Variants in KCNMB4 observed in about 807,000 individuals in gnomAD.
KCNMB4 encodes the protein potassium calcium-activated channel subfamily M regulatory beta subunit 4.
KCNMB4 carries 3 observed loss-of-function variants against 20.7 expected under a neutral mutation model. The observed-to-expected ratio is 0.14, with a 90% CI of 0.07 to 0.37. The LOEUF is 0.37. Among genes scored for constraint, KCNMB4 ranks in the 10% least tolerant of loss-of-function variants. KCNMB4 has a pLI of 1.00. For synonymous variants in KCNMB4, 110 were observed against 113.4 expected (o/e 0.97, Z 0.19); for missense variants, 168 against 265.9 (o/e 0.63, Z 2.56).
intron 2 of KCNMB4, among the ~76,000 whole-genome samples, chr12:70,403,396 G>A (rs1337241513): frequency 1.1e-4 from 17 of 151,998 alleles, no homozygotes; most frequent in South Asian, 6.2e-4. Context: ...GCAGTGGCAC[G>A]ATCTTGGCTC....
intron 1 of KCNMB4, among the ~76,000 whole-genome samples, chr12:70,390,013 C>G (rs1419548321): frequency 6.6e-6 from 1 of 152,128 alleles, no homozygotes; most frequent in East Asian, 1.9e-4. Flanking sequence ...TAACCAGTGT[C>G]CATAAAATAT....
intron 1 of KCNMB4, among the ~76,000 whole-genome samples, chr12:70,367,475 GC>G (rs1286999076): frequency 1.3e-5 from 2 of 152,170 alleles, no homozygotes; most frequent in African/African-American, 4.8e-5. Flanking sequence ...CCGAGCTTCA[GC>G]TGGTCTCATC....
rs577430832 is a variant in KCNMB4 at position 70,382,203 on chromosome 12, T to C, written c.336+15133T>C. On this transcript the variant is annotated intron_variant, in intron 1 of 2. Transcript: ENST00000258111. The stretch of plus-strand genomic sequence containing the variant: ...GCTCACGCCTGTAATCCCAGCACTT[T>C]GGGAGGCCGAGGCGGGCGGATCACG... Among the ~76,000 whole-genome samples, 7 of 151,906 alleles carry C rather than the reference T, an allele frequency of 4.6e-5. No homozygotes were observed. The South Asian group carries it at 1.5e-3, about 32-fold the overall frequency.
chr12:70,426,877 G>A (rs1325295812), intron 2 of KCNMB4, among the ~76,000 whole-genome samples: 1 of 152,130 alleles, frequency 6.6e-6, no homozygotes, highest in Non-Finnish European at 1.5e-5. Context: ...CAGTGCTTAG[G>A]GAAGTTTTTC....
intron 2 of KCNMB4, among the ~76,000 whole-genome samples, chr12:70,419,285 G>T (rs1444084103): frequency 6.6e-6 from 1 of 152,106 alleles, no homozygotes; most frequent in African/African-American, 2.4e-5. Flanking sequence ...GACTTTCTTT[G>T]GAAACAAAAT....
At chr12:70,370,297 G>GTT (rs774582239) in intron 1 of KCNMB4, among the ~76,000 whole-genome samples, 8 of 103,272 alleles carry the variant, frequency 7.7e-5, no homozygotes, top group East Asian at 1.0e-3. Flanking sequence ...TGAATTTTTT[G>GTT]TTTTTTTTTG....
chr12:70,387,757 A>T (rs1174642840), intron 1 of KCNMB4, among the ~76,000 whole-genome samples: 2 of 152,114 alleles, frequency 1.3e-5, no homozygotes, highest in Non-Finnish European at 2.9e-5. Context: ...ATGCAAAGTG[A>T]CATAAGCACA....
chr12:70,418,363 G>A (rs1403846909), intron 2 of KCNMB4, among the ~76,000 whole-genome samples: 4 of 149,860 alleles, frequency 2.7e-5, no homozygotes, highest in Non-Finnish European at 4.4e-5. Flanking sequence ...ATTCAGCTTA[G>A]GGAAATGATA....
chr12:70,406,184 A>T (rs1489934774), intron 2 of KCNMB4, among the ~76,000 whole-genome samples: 1 of 152,228 alleles, frequency 6.6e-6, no homozygotes, highest in Admixed American at 6.5e-5. Flanking sequence ...AAGTAAGATC[A>T]ATAGGCTCTA....
intron 2 of KCNMB4, among the ~76,000 whole-genome samples, chr12:70,411,553 C>G (rs990106566): frequency 6.6e-5 from 10 of 152,146 alleles, no homozygotes; most frequent in Admixed American, 6.5e-4. Context: ...TCAGGGGCTA[C>G]AGAGATCTTC....
intron 2 of KCNMB4, among the ~76,000 whole-genome samples, chr12:70,428,144 A>G (rs936079973): frequency 1.3e-5 from 2 of 151,886 alleles, no homozygotes. Flanking sequence ...CAGCCTCCCA[A>G]ATAACTAGGT....
At chr12:70,426,997 T>A (rs151333265) in intron 2 of KCNMB4, among the ~76,000 whole-genome samples, 1 of 152,306 alleles carries the variant, frequency 6.6e-6, no homozygotes, top group East Asian at 1.9e-4. Flanking sequence ...GCTTGCTTTT[T>A]TGAAGTCCCT....
At chr12:70,371,057 A>G (rs1394381003) in intron 1 of KCNMB4, among the ~76,000 whole-genome samples, 2 of 151,952 alleles carry the variant, frequency 1.3e-5, no homozygotes, top group African/African-American at 4.8e-5. Context: ...GGGTTTCACT[A>G]TGTTGGCCAG....
intron 1 of KCNMB4, among the ~76,000 whole-genome samples, chr12:70,398,823 A>T (rs1256896729): frequency 6.6e-6 from 1 of 152,222 alleles, no homozygotes; most frequent in East Asian, 1.9e-4. Context: ...GGGAAGGCTG[A>T]CATAAAACAG....
intron 2 of KCNMB4, among the ~76,000 whole-genome samples, chr12:70,415,259 C>T (rs7301967): frequency 0.32 from 48,997 of 152,052 alleles, 8,082 homozygotes; most frequent in East Asian, 0.54. Flanking sequence ...ATTCAAACCT[C>T]TTAGTTCCAG....
chr12:70,421,232 C>T (rs1271515360), intron 2 of KCNMB4, among the ~76,000 whole-genome samples: 2 of 151,824 alleles, frequency 1.3e-5, no homozygotes, highest in Non-Finnish European at 2.9e-5. Context: ...TCGCTCATAT[C>T]TGTAATCCCA....
At chr12:70,420,289 C>A (rs1411782990) in intron 2 of KCNMB4, among the ~76,000 whole-genome samples, 2 of 152,166 alleles carry the variant, frequency 1.3e-5, no homozygotes, top group Non-Finnish European at 1.5e-5. Flanking sequence ...TTTTACTTTG[C>A]TACCATGTTA....
intron 1 of KCNMB4, among the ~76,000 whole-genome samples, chr12:70,376,925 G>T (rs752171150): frequency 1.1e-4 from 17 of 151,500 alleles, no homozygotes; most frequent in Non-Finnish European, 2.5e-4. Context: ...AAAATAAAAT[G>T]TCTTGGAATA....
At chr12:70,382,732 G>A (rs1275005982) in intron 1 of KCNMB4, among the ~76,000 whole-genome samples, 1 of 152,138 alleles carries the variant, frequency 6.6e-6, no homozygotes, top group Non-Finnish European at 1.5e-5. Context: ...AGTACTCTTA[G>A]CAATAAAAGA....
Sources: gnomAD v4.1 joint callset for allele counts (sites outside exome capture counted in the v4.1 genomes callset) on GRCh38, gnomAD v4.1.1 for gene constraint, MANE v1.5 for transcripts, NCBI Gene and HGNC (gene_info 2026-07-23, HGNC 2026-07-21) for gene names.